Variants in MED12L observed in about 807,000 individuals in gnomAD.
MED12L encodes the protein mediator of RNA polymerase II transcription subunit 12-like protein.
In MED12L, 60 loss-of-function variants were observed where a neutral mutation model predicts 281.3. The ratio of observed to expected loss-of-function variants is 0.21; its 90% CI spans 0.17 to 0.26. The LOEUF (loss-of-function observed/expected upper bound fraction) is 0.26, where lower values mean the gene tolerates loss of function less well. MED12L is among the 10% of genes least tolerant of loss of function. The probability of loss-of-function intolerance (pLI) is 1.00; values close to 1 mark genes in which losing one functional copy is unlikely to be tolerated. For missense variants in MED12L, 2,146 were observed against 2,680.9 expected, an observed-to-expected ratio of 0.80 and a Z score of 4.41; for synonymous variants, 974 against 987.2, an observed-to-expected ratio of 0.99 and a Z score of 0.25.
chr3:151,377,749 G>A (rs1418096067), intron 30 of MED12L, among the ~76,000 whole-genome samples: 1 of 152,020 alleles, frequency 6.6e-6, no homozygotes, highest in Non-Finnish European at 1.5e-5. Context: ...TAGAGAGAGG[G>A]GGTCATCGGA....
chr3:151,190,589 C>T, intron 13 of MED12L, 128 bp from the exon 14 acceptor site: 1 of 855,626 alleles, frequency 1.2e-6, no homozygotes, highest in Non-Finnish European at 1.8e-6. Context: ...CTCAGTAAAT[C>T]TTCCAATAGA....
chr3:151,348,340 C>CA (rs11382065), intron 16 of MED12L, among the ~76,000 whole-genome samples: 1,895 of 87,620 alleles, frequency 0.022, 13 homozygotes, highest in African/African-American at 0.047. Context: ...ACCACCAGAC[C>CA]AAAAAAAAAA....
At position 151,127,829 on chromosome 3, in the gene MED12L, C is replaced by T. The variant is rs1395234089; in HGVS notation, c.401C>T (p.Pro134Leu). 1.2e-6 allele frequency: 2 copies of T among 1,600,924 alleles called. No homozygotes were observed. Among genetic ancestry groups the T allele is most frequent in the Non-Finnish European group, 1.7e-6 (2 of 1,168,792 alleles). Residue 134 changes from proline to leucine, a missense_variant, in exon 5 of 45, where the codon CCT becomes CTT. This residue lies in a region of MED12L where 722 missense variants were observed against 861.2 expected (regional missense o/e 0.84). Transcript: ENST00000687756. ...TACTATGTTGTTTCTTTTTAGGTTC[C>T]TATCCTTAGTAAAAAAGAGGATGTT... is the stretch of plus-strand genomic sequence containing the variant. ...KPLSILAKKV[P>L]ILSKKEDVFA...
chr3:151,154,961 C>T (rs1719073423), intron 5 of MED12L, among the ~76,000 whole-genome samples: 2 of 152,142 alleles, frequency 1.3e-5, no homozygotes, highest in Non-Finnish European at 2.9e-5. Flanking sequence ...TTTAACAACT[C>T]CAGCGTGCAT....
At chr3:151,238,791 C>G (rs1191879612) in intron 16 of MED12L, among the ~76,000 whole-genome samples, 1 of 151,930 alleles carries the variant, frequency 6.6e-6, no homozygotes, top group Non-Finnish European at 1.5e-5. Flanking sequence ...TTTTGTGTGC[C>G]AAAATATTAA....
intron 19 of MED12L, among the ~76,000 whole-genome samples, chr3:151,356,428 A>ATCAATGAACCAATTGCTG (rs1472229406): frequency 3.0e-4 from 46 of 152,278 alleles, no homozygotes; most frequent in African/African-American, 1.0e-3. Context: ...AAAAATAAAA[A>ATCAATGAACCAATTGCTG]TCAATGAACC....
intron 16 of MED12L, among the ~76,000 whole-genome samples, chr3:151,194,120 C>T (rs1724339077): frequency 6.6e-6 from 1 of 151,982 alleles, no homozygotes. Context: ...CACCTGCCAC[C>T]ACGCCTGGCT....
At chr3:151,183,376 AT>A (rs1722925175) in intron 11 of MED12L, among the ~76,000 whole-genome samples, 1 of 152,188 alleles carries the variant, frequency 6.6e-6, no homozygotes, top group Admixed American at 6.5e-5. Context: ...GTGCCTTCCT[AT>A]CCCTAGCAGC....
rs191148217 is a variant in MED12L at position 151,194,241 on chromosome 3, A to G, written c.2250+575A>G. ...CTAGGCCTCTCAGAGTGCTGGGATT[A>G]CAGGCGTGAGCCACCGTGCCAGGCG... On this transcript the variant is annotated intron_variant, in intron 16 of 44. Coordinates refer to ENST00000687756, the MANE Select transcript of MED12L (RefSeq NM_001393769.1). Among the ~76,000 whole-genome samples, 6 of 152,232 alleles carry G rather than the reference A, an allele frequency of 3.9e-5. No homozygotes were observed. In the East Asian group the frequency reaches 1.2e-3, roughly 29 times the overall value.
intron 16 of MED12L, among the ~76,000 whole-genome samples, chr3:151,262,934 T>C (rs1263187012): frequency 6.6e-6 from 1 of 152,158 alleles, no homozygotes; most frequent in Non-Finnish European, 1.5e-5. Flanking sequence ...GACACGTAGC[T>C]GGTAAGGATT....
At chr3:151,293,638 TACAC>T (rs199892582) in intron 16 of MED12L, among the ~76,000 whole-genome samples, 3,621 of 99,676 alleles carry the variant, frequency 0.036, 201 homozygotes, top group African/African-American at 0.12. Flanking sequence ...ATGAAGCCCT[TACAC>T]ACACACACAC....
Position 151,122,922 on chromosome 3 carries a change from G to A in MED12L, c.344G>A (p.Ser115Asn). ...VTARSQSAIH[S>N]WFSDLAGNKP... ...GCTCGATCCCAGAGTGCAATTCATAGTTGGTTTTCTGACTTAGCAGGAAAT... is the reference window on the plus strand; with the variant it reads ...GCTCGATCCCAGAGTGCAATTCATAATTGGTTTTCTGACTTAGCAGGAAAT... Residue 115 changes from serine to asparagine, a missense_variant, in exon 4 of 45, where the codon AGT becomes AAT. By Grantham distance (46) the Ser-to-Asn change is conservative (BLOSUM62 1). Coordinates refer to ENST00000687756, the MANE Select transcript of MED12L (RefSeq NM_001393769.1). 6.2e-7 allele frequency: 1 copy of A among 1,611,206 alleles called. No homozygotes were observed. Among genetic ancestry groups the A allele is most frequent in the Non-Finnish European group, 8.5e-7 (1 of 1,178,982 alleles).
chr3:151,365,616 C>T (rs1192293057), intron 22 of MED12L, among the ~76,000 whole-genome samples: 1 of 152,082 alleles, frequency 6.6e-6, no homozygotes, highest in African/African-American at 2.4e-5. Context: ...TATTCTAATT[C>T]GTGTATGTAC....
chr3:151,383,872 G>T lies in MED12L; in HGVS notation c.4774G>T (p.Asp1592Tyr). ...TCAGATCATTACTTCAGGAACTGTT[G>T]ACATGCACACTAACAAGTATGTTTT... ...LLQIITSGTV[D>Y]MHTNNELFTT... is the part of the protein sequence containing the mutation. The change falls in exon 34 of 45, where the codon GAC (aspartate) becomes TAC (tyrosine). Residue 1592 changes from aspartate (D) to tyrosine (Y), a missense_variant. By Grantham distance (160) the Asp-to-Tyr change is radical (BLOSUM62 -3). Around this residue, in one of 9 missense-constraint regions of MED12L, gnomAD observed 212 missense variants for 340.8 expected, o/e 0.62. Coordinates refer to ENST00000687756, the MANE Select transcript of MED12L (RefSeq NM_001393769.1). 1 of 1,613,350 alleles carries T rather than the reference G, an allele frequency of 6.2e-7. No homozygotes were observed. The highest frequency in any genetic ancestry group is 8.5e-7 in the Non-Finnish European group (1 of 1,179,428).
At chr3:151,245,048 A>G (rs1007128577) in intron 16 of MED12L, among the ~76,000 whole-genome samples, 2 of 152,126 alleles carry the variant, frequency 1.3e-5, no homozygotes, top group South Asian at 4.1e-4. Flanking sequence ...TGACACATAC[A>G]CTCTCCCAAG....
chr3:151,136,733 T>C (rs3915228), intron 5 of MED12L, among the ~76,000 whole-genome samples: 34,842 of 152,150 alleles, frequency 0.23, 4,478 homozygotes, highest in African/African-American at 0.36. Context: ...GAGGGCTTTC[T>C]CTCATGTGAT....
intron 16 of MED12L, among the ~76,000 whole-genome samples, chr3:151,206,333 A>G (rs1247113839): frequency 2.0e-5 from 3 of 151,372 alleles, no homozygotes. Flanking sequence ...TGTTTTTTTC[A>G]CATTCTTGGA....
chr3:151,260,472 C>T (rs902115286), intron 16 of MED12L, among the ~76,000 whole-genome samples: 1 of 152,100 alleles, frequency 6.6e-6, no homozygotes, highest in African/African-American at 2.4e-5. Flanking sequence ...ATATTAGCCT[C>T]CCAAGTAGCT....
intron 40 of MED12L, among the ~76,000 whole-genome samples, chr3:151,410,967 C>G (rs1716866191): frequency 6.6e-6 from 1 of 152,112 alleles, no homozygotes; most frequent in Non-Finnish European, 1.5e-5. Flanking sequence ...CTGATTGTTT[C>G]TATATAGAAA....
Sources: gnomAD v4.1 joint callset for allele counts (sites outside exome capture counted in the v4.1 genomes callset) on GRCh38, gnomAD v4.1.1 for gene constraint, gnomAD v4.1.1 regional missense constraint, MANE v1.5 for transcripts, NCBI Gene and HGNC (gene_info 2026-07-23, HGNC 2026-07-21) for gene names.